The following SDK2 variants were observed in gnomAD, a reference collection of about 807,000 sequenced individuals.
The protein encoded by SDK2 is protein sidekick-2.
A neutral mutation model predicts 253.9 loss-of-function variants in SDK2; 105 were observed. That is an observed-to-expected ratio of 0.41 (90% CI 0.35 to 0.49). The LOEUF (loss-of-function observed/expected upper bound fraction) is 0.49, where lower values mean the gene tolerates loss of function less well. Ranked by LOEUF, SDK2 falls within the 20% of genes least tolerant of loss-of-function variation. The pLI, the probability that SDK2 is intolerant of heterozygous loss-of-function variation, is 0.06. For missense variants in SDK2, 2,608 were observed against 3,003.0 expected (o/e 0.87, Z 3.07); for synonymous variants, 1,249 against 1,234.9 (o/e 1.01, Z -0.24).
Position 73,438,167 on chromosome 17 carries a change from A to G in SDK2, c.726-13T>C. ...CTTGATCAGGGGCCTGCAGAGGGCA[A>G]GGGAAGGCCAGTGTTCAGCCATGAG... On this transcript the variant is annotated splice_polypyrimidine_tract_variant and intron_variant, in intron 6 of 44. Transcript: ENST00000392650. The G allele has an allele frequency of 6.5e-7, 1 of 1,546,438 alleles. No homozygotes were observed. Among genetic ancestry groups the G allele is most frequent in the Non-Finnish European group, 8.7e-7 (1 of 1,143,296 alleles).
In SDK2 at chr17:73,405,486, A is replaced by G. The variant is rs1394887201; in HGVS notation, c.2485-3345T>C. Among the ~76,000 whole-genome samples the G allele has an allele frequency of 2.3e-4, 21 of 92,764 alleles. 1 individual carries two copies. The highest frequency in any genetic ancestry group is 4.4e-4 in the Non-Finnish European group (20 of 45,140). The allele number at this position is 92,764 out of a possible 152,430, so 60.9% of individuals were successfully genotyped here. ...AAAAACCATATATATATATATATATATATATATATATATATATATATATAT... is the reference window on the plus strand; with the variant it reads ...AAAAACCATATATATATATATATATGTATATATATATATATATATATATAT... On this transcript the variant is annotated intron_variant, in intron 18 of 44. Transcript: ENST00000392650.
chr17:73,452,036 C>G (rs141726373), intron 4 of SDK2, among the ~76,000 whole-genome samples: 38 of 152,252 alleles, frequency 2.5e-4, no homozygotes, highest in Middle Eastern at 6.8e-3. Flanking sequence ...CCCTTCCCCC[C>G]ACTGCTCCTG....
chr17:73,351,347 T>C (rs999837508), intron 41 of SDK2, among the ~76,000 whole-genome samples: 3 of 152,168 alleles, frequency 2.0e-5, no homozygotes, highest in East Asian at 3.8e-4. Flanking sequence ...TGACCTCAGG[T>C]GATCCACCTG....
chr17:73,427,168 C>G (rs1479834219), intron 12 of SDK2, among the ~76,000 whole-genome samples: 1 of 152,156 alleles, frequency 6.6e-6, no homozygotes. Context: ...AAGCAGAGAT[C>G]ACTGCCTGTG....
At chr17:73,471,973 CTGG>C in intron 3 of SDK2, 136 bp downstream of exon 3, 1 of 645,932 alleles carries the variant, frequency 1.5e-6, no homozygotes, top group South Asian at 1.9e-5. Context: ...AATGAGGTTG[CTGG>C]CTGGAAGGGG....
At chr17:73,398,551 C>T (rs1349524250) in intron 22 of SDK2, 122 bp from the exon 23 acceptor site, 18 of 728,312 alleles carry the variant, frequency 2.5e-5, no homozygotes, top group Non-Finnish European at 4.2e-5. Context: ...ATCTGGAGGG[C>T]ACCATATGGG....
chr17:73,513,277 T>G (rs2063995774), intron 1 of SDK2, among the ~76,000 whole-genome samples: 1 of 152,110 alleles, frequency 6.6e-6, no homozygotes, highest in Non-Finnish European at 1.5e-5. Context: ...AGAAAAAGAT[T>G]AACAAACCAA....
chr17:73,399,064 T>C, intron 22 of SDK2, 104 bp downstream of exon 22: 1 of 1,160,560 alleles, frequency 8.6e-7, no homozygotes, highest in Admixed American at 2.2e-5. Context: ...CATTGAGAGC[T>C]GCACATGAAA....
rs1190915538 is a variant in SDK2 at position 73,472,164 on chromosome 17, C to T, written c.279G>A (p.Val93=). 4 of 1,551,690 alleles carry T rather than the reference C, an allele frequency of 2.6e-6. No homozygotes were observed. Among genetic ancestry groups the T allele is most frequent in the Non-Finnish European group, 3.5e-6 (4 of 1,146,990 alleles). The change falls in exon 3 of 45, where the codon GTG becomes GTA. Residue 93 remains valine (V), a synonymous_variant. Coordinates refer to ENST00000392650, the MANE Select transcript of SDK2 (RefSeq NM_001144952.2). Reference sequence around the variant, plus strand: ...GCAGCAGGGCCCCCATTCGGTTCCGCACGATGCAACGGTAAAAGCCAGCGT... The same window carrying T: ...GCAGCAGGGCCCCCATTCGGTTCCGTACGATGCAACGGTAAAAGCCAGCGT... The part of the protein sequence containing the change: ...RTHAGFYRCI[V]RNRMGALLQR...
rs1430052147 is a variant in SDK2, at chr17:73,639,062, G to A, written c.64+4963C>T. The stretch of plus-strand genomic sequence containing the variant: ...TGACCTCAAGTGATCTGCCGGCCTC[G>A]GCCTCCCAAAGTGCTGGGATTACAG... On this transcript the variant is annotated intron_variant, in intron 1 of 44. Transcript: ENST00000392650. The surrounding 1 kb of genome is among the most constrained non-coding windows in gnomAD (Gnocchi z 4.3). Among the ~76,000 whole-genome samples, 3 of 152,068 alleles carry A rather than the reference G, an allele frequency of 2.0e-5. No individual in the cohort carries two copies. Among genetic ancestry groups the A allele is most frequent in the Non-Finnish European group, 2.9e-5 (2 of 67,992 alleles).
rs546610748 is a variant in SDK2, at chr17:73,441,332, A to G, written c.614-409T>C. 3.9e-5 allele frequency among the ~76,000 whole-genome samples: 6 copies of G among 152,228 alleles called. No homozygotes were observed. In the East Asian group the frequency reaches 1.2e-3, roughly 29 times the overall value. ...AAACTCTCTGTACGAGGTCAAACAG[A>G]GTCACCGGCCCCCTCCCCCAACACA... On this transcript the variant is annotated intron_variant, in intron 5 of 44. Transcript: ENST00000392650.
In SDK2 at chr17:73,483,678, TATATTTATATATATATATATATATATATA is replaced by T. The variant is rs1437264959; in HGVS notation, c.225-11489_225-11461del. On this transcript the variant is annotated intron_variant, in intron 2 of 44. Transcript: ENST00000392650. ...GTGTGTGTGTATATATATATATATA[TATATTTATATATATATATATATATATATA>T]TTTTTTTTTTTTTTTAGTAGAGTTG... 1.6e-3 allele frequency among the ~76,000 whole-genome samples: 110 copies of T among 69,240 alleles called. 3 individuals are homozygous for T. The highest frequency in any genetic ancestry group is 4.3e-3 in the Admixed American group (23 of 5,404). The allele number at this position is 69,240 out of a possible 152,430, so 45.4% of individuals were successfully genotyped here.
chr17:73,578,623 G>C (rs1250566998), intron 1 of SDK2, among the ~76,000 whole-genome samples: 2 of 152,090 alleles, frequency 1.3e-5, no homozygotes, highest in African/African-American at 4.8e-5. Flanking sequence ...CTGGGTTGGG[G>C]GCTCCTACTG....
intron 1 of SDK2, among the ~76,000 whole-genome samples, chr17:73,603,451 G>A (rs746885531): frequency 1.3e-5 from 2 of 152,170 alleles, no homozygotes; most frequent in African/African-American, 4.8e-5. Context: ...TTGGAGAGAC[G>A]ACTCTTTTCT....
intron 1 of SDK2, chr17:73,518,975 G>A (rs2064053770): frequency 6.6e-6 from 1 of 152,218 alleles, no homozygotes; most frequent in South Asian, 2.1e-4. Context: ...TCTCACAGGT[G>A]ACTTTGTCCA....
rs573840763 is a variant in SDK2, at chr17:73,538,598, G to A, written c.65-31001C>T. Among the ~76,000 whole-genome samples, 4 of 152,308 alleles carry A rather than the reference G, an allele frequency of 2.6e-5. No homozygotes were observed. The South Asian group carries it at 6.2e-4, about 24-fold the overall frequency. On this transcript the variant is annotated intron_variant, in intron 1 of 44. Transcript: ENST00000392650. ...ATGAGCAAACCACCTCCTGGCCTCC[G>A]AATGAACAGAGTCAAACAACTTCTC...
rs369324707 is a variant in SDK2 at position 73,505,466 on chromosome 17, A to G, written c.224+1972T>C. Among the ~76,000 whole-genome samples, 14 of 147,420 alleles carry G rather than the reference A, an allele frequency of 9.5e-5. No individual in the cohort carries two copies. The South Asian group carries it at 1.5e-3, about 16-fold the overall frequency. On this transcript the variant is annotated intron_variant, in intron 2 of 44. Transcript: ENST00000392650. ...TTTTTCATTGTCTATGATTGCTATC[A>G]TCATTGTTATTGTCATCATCATCAT...
At chr17:73,426,808 C>T (rs991512523) in intron 12 of SDK2, among the ~76,000 whole-genome samples, 2 of 152,118 alleles carry the variant, frequency 1.3e-5, no homozygotes, top group African/African-American at 2.4e-5. Context: ...CTATGGGGGC[C>T]GGGCGCGGTG....
At position 73,408,047 on chromosome 17, in the gene SDK2, C is replaced by CTTTTTTT. The variant is rs951934202; in HGVS notation, c.2485-5913_2485-5907dup. ...CACCATCTAGGAAGTAAAATATTTC[C>CTTTTTTT]TTTTTTTTTTTTTTTTTCTTTTGAG... is the stretch of plus-strand genomic sequence containing the variant. On this transcript the variant is annotated intron_variant, in intron 18 of 44. Coordinates refer to ENST00000392650, the MANE Select transcript of SDK2 (RefSeq NM_001144952.2). Among the ~76,000 whole-genome samples the CTTTTTTT allele has an allele frequency of 2.0e-3, 132 of 66,116 alleles. 4 individuals carry two copies. The highest frequency in any genetic ancestry group is 4.1e-3 in the Admixed American group (21 of 5,074). The allele number at this position is 66,116 out of a possible 152,430, so 43.4% of individuals were successfully genotyped here.
Sources: gnomAD v4.1 joint callset for allele counts (sites outside exome capture counted in the v4.1 genomes callset) on GRCh38, gnomAD v4.1.1 for gene constraint, Gnocchi (gnomAD v3.1) non-coding constraint, MANE v1.5 for transcripts, NCBI Gene and HGNC (gene_info 2026-07-23, HGNC 2026-07-21) for gene names.